RPH3A: variants seen among roughly 807,000 people sequenced by gnomAD.
The protein encoded by RPH3A is rabphilin-3A.
Under a neutral mutation model 102.2 loss-of-function variants are expected in RPH3A, and 48 were observed. The ratio of observed to expected loss-of-function variants is 0.47; its 90% CI spans 0.37 to 0.60. The LOEUF (loss-of-function observed/expected upper bound fraction) is 0.60. RPH3A is among the 20% of genes least tolerant of loss of function. The probability of loss-of-function intolerance (pLI) is 0.00; values close to 1 mark genes in which losing one functional copy is unlikely to be tolerated. For missense variants in RPH3A, 781 were observed against 910.1 expected, an observed-to-expected ratio of 0.86 and a Z score of 1.83; for synonymous variants, 310 against 324.3, an observed-to-expected ratio of 0.96 and a Z score of 0.47.
At chr12:112,636,229 A>G (rs1326731664) in intron 1 of RPH3A, among the ~76,000 whole-genome samples, 2 of 152,116 alleles carry the variant, frequency 1.3e-5, no homozygotes, top group Admixed American at 1.3e-4. Context: ...GGGAAGGAGG[A>G]AGACTAAATG....
At chr12:112,655,030 C>T (rs2040000684) in intron 1 of RPH3A, among the ~76,000 whole-genome samples, 1 of 152,194 alleles carries the variant, frequency 6.6e-6, no homozygotes, top group Admixed American at 6.5e-5. Context: ...CTTCTTATTC[C>T]TCCTCCACTC....
Position 112,891,714 on chromosome 12 carries a change from A to C in RPH3A, c.1775+711A>C, listed in dbSNP as rs563942471. ...CTCAAGCCAAAACTGGCCATCAGACATGTCCTGTATCTCATAGGAGTGGGC... is the reference window on the plus strand; with the variant it reads ...CTCAAGCCAAAACTGGCCATCAGACCTGTCCTGTATCTCATAGGAGTGGGC... On this transcript the variant is annotated intron_variant, in intron 19 of 21. Coordinates refer to ENST00000389385, the MANE Select transcript of RPH3A (RefSeq NM_001143854.2). Among the ~76,000 whole-genome samples, 17 of 152,328 alleles carry C rather than the reference A, an allele frequency of 1.1e-4. No individual in the cohort carries two copies. The South Asian group carries it at 3.5e-3, about 32-fold the overall frequency.
chr12:112,847,681 C>T lies in RPH3A; in HGVS notation c.84-15C>T. Reference sequence around the variant, plus strand: ...TTTTCTGCCCACCCTCACACCTTCCCAAATTTCCTTTCAGGCTCCAGGCAG... The same window carrying T: ...TTTTCTGCCCACCCTCACACCTTCCTAAATTTCCTTTCAGGCTCCAGGCAG... On this transcript the variant is annotated splice_polypyrimidine_tract_variant and intron_variant, in intron 4 of 21. Transcript: ENST00000389385. 4 of 1,612,698 alleles carry T rather than the reference C, an allele frequency of 2.5e-6. No homozygotes were observed. The highest frequency in any genetic ancestry group is 3.5e-4 in the Middle Eastern group (2 of 5,702).
intron 1 of RPH3A, among the ~76,000 whole-genome samples, chr12:112,629,465 ATTTTTTTT>A (rs11294395): frequency 1.2e-5 from 1 of 84,034 alleles, no homozygotes; most frequent in Admixed American, 1.3e-4. Context: ...TGCACTTTGC[ATTTTTTTT>A]TTTTTTTTTT....
At chr12:112,661,433 G>T (rs1191206720) in intron 1 of RPH3A, among the ~76,000 whole-genome samples, 1 of 152,200 alleles carries the variant, frequency 6.6e-6, no homozygotes, top group Non-Finnish European at 1.5e-5. Flanking sequence ...CAGGTGTGTG[G>T]ATTCTGTGGA....
At chr12:112,632,217 T>C (rs1000559031) in intron 1 of RPH3A, among the ~76,000 whole-genome samples, 4 of 152,320 alleles carry the variant, frequency 2.6e-5, no homozygotes, top group African/African-American at 9.6e-5. Flanking sequence ...TCCCCAGCCA[T>C]ATGGAACTAC....
intron 1 of RPH3A, among the ~76,000 whole-genome samples, chr12:112,677,186 G>T (rs774257554): frequency 5.9e-5 from 9 of 152,160 alleles, no homozygotes; most frequent in Non-Finnish European, 1.3e-4. Context: ...AAGCCCTCTT[G>T]TGGAACAGGC....
chr12:112,723,628 A>T (rs537088303), intron 1 of RPH3A, among the ~76,000 whole-genome samples: 1 of 152,340 alleles, frequency 6.6e-6, no homozygotes, highest in African/African-American at 2.4e-5. Context: ...GTATTGCACC[A>T]AACATGATGA....
At chr12:112,861,036 T>C (rs759165383) in intron 5 of RPH3A, among the ~76,000 whole-genome samples, 7 of 152,170 alleles carry the variant, frequency 4.6e-5, no homozygotes, top group Non-Finnish European at 1.0e-4. Flanking sequence ...GGAAATCTAA[T>C]TCAACAGTCC....
chr12:112,722,369 T>C (rs1393311597), intron 1 of RPH3A, among the ~76,000 whole-genome samples: 3 of 152,204 alleles, frequency 2.0e-5, no homozygotes, highest in African/African-American at 4.8e-5. Flanking sequence ...AGAATTCTGG[T>C]TGTCAAAAGG....
chr12:112,791,438 C>G (rs1445079707), upstream of RPH3A: 3 of 152,392 alleles, frequency 2.0e-5, no homozygotes. Context: ...GTCGAGAAGT[C>G]CCGTCCCCCA....
chr12:112,881,861 G>C lies in RPH3A; in HGVS notation c.1326+15G>C, dbSNP rs1341424912. 4 of 1,604,730 alleles carry C rather than the reference G, an allele frequency of 2.5e-6. No individual in the cohort carries two copies. Among genetic ancestry groups the C allele is most frequent in the Non-Finnish European group, 3.4e-6 (4 of 1,173,988 alleles). ...GAGCCAGCAAGGTACCATATGGCCT[G>C]GGCTTCTCTGCAAACCGGGTGCATG... On this transcript the variant is annotated intron_variant, in intron 15 of 21. Coordinates refer to ENST00000389385, the MANE Select transcript of RPH3A (RefSeq NM_001143854.2).
chr12:112,823,148 A>G (rs7969539), intron 2 of RPH3A, among the ~76,000 whole-genome samples: 11,342 of 152,164 alleles, frequency 0.075, 1,380 homozygotes, highest in African/African-American at 0.26. Context: ...TGAGAGGTGA[A>G]AATGCACCCA....
intron 1 of RPH3A, among the ~76,000 whole-genome samples, chr12:112,705,657 A>T (rs1056750704): frequency 2.6e-5 from 4 of 152,232 alleles, no homozygotes; most frequent in African/African-American, 9.6e-5. Flanking sequence ...AAATTTTTAA[A>T]TTTTAAATGT....
At position 112,725,250 on chromosome 12, in the gene RPH3A, G is replaced by GAAAA. The variant is rs35952537; in HGVS notation, c.-139-66867_-139-66864dup. Among the ~76,000 whole-genome samples the GAAAA allele has an allele frequency of 1.7e-4, 11 of 63,062 alleles. No individual in the cohort carries two copies. The South Asian group carries it at 1.9e-3, about 11-fold the overall frequency. 41.4% of individuals were successfully genotyped at this position (63,062 alleles called of 152,430 possible). ...GGTGACAGAGCAAGACTTTGTCTCAGAAAAAAAAAAAAAAAAAAAAAAAAA... is the reference window on the plus strand; with the variant it reads ...GGTGACAGAGCAAGACTTTGTCTCAGAAAAAAAAAAAAAAAAAAAAAAAAAAAAA... On this transcript the variant is annotated intron_variant, in intron 1 of 21. Transcript: ENST00000543106.
At chr12:112,896,089 C>T (rs1230733106) in intron 21 of RPH3A, among the ~76,000 whole-genome samples, 2 of 152,252 alleles carry the variant, frequency 1.3e-5, no homozygotes, top group African/African-American at 4.8e-5. Context: ...TTGAACAAAT[C>T]ACCTCCAGTG....
rs2042807058 is a variant in RPH3A, at chr12:112,876,707, G to T, written c.1012G>T (p.Gly338Cys). Residue 338 changes from glycine (G) to cysteine (C), a missense_variant, in exon 13 of 22, where the codon GGC (glycine) becomes TGC (cysteine). By Grantham distance (159) the Gly-to-Cys change is radical. Transcript: ENST00000389385. ...PREERTGGVG[G>C]YPAVGAREDR... Reference sequence around the variant, plus strand: ...AGAGGAGAGAACAGGGGGAGTCGGGGGCTACCCAGCAGTTGGAGCCAGAGA... The same window carrying T: ...AGAGGAGAGAACAGGGGGAGTCGGGTGCTACCCAGCAGTTGGAGCCAGAGA... 18 of 1,613,330 alleles carry T rather than the reference G, an allele frequency of 1.1e-5. No individual in the cohort carries two copies. The highest frequency in any genetic ancestry group is 4.0e-5 in the African/African-American group (3 of 74,826).
chr12:112,850,095 G>A (rs187780319), intron 5 of RPH3A, among the ~76,000 whole-genome samples: 672 of 152,266 alleles, frequency 4.4e-3, no homozygotes, highest in Non-Finnish European at 6.9e-3. Context: ...AAGAGCTGGG[G>A]TTGCACAGTC....
intron 1 of RPH3A, among the ~76,000 whole-genome samples, chr12:112,661,136 AC>A (rs2040046112): frequency 6.6e-6 from 1 of 152,150 alleles, no homozygotes; most frequent in Non-Finnish European, 1.5e-5. Context: ...TCATCTAGAT[AC>A]ACTCTCGGGT....
Sources: gnomAD v4.1 joint callset for allele counts (sites outside exome capture counted in the v4.1 genomes callset) on GRCh38, gnomAD v4.1.1 for gene constraint, MANE v1.5 for transcripts, NCBI Gene and HGNC (gene_info 2026-07-23, HGNC 2026-07-21) for gene names.